The following SLC9C1 variants were observed in gnomAD, a reference collection of about 807,000 sequenced individuals.
SLC9C1 encodes the protein sodium/hydrogen exchanger 10.
Under a neutral mutation model 140.9 loss-of-function variants are expected in SLC9C1, and 97 were observed. The observed-to-expected ratio is 0.69, with a 90% CI of 0.58 to 0.82. The LOEUF is 0.82. SLC9C1 is among the 40% of genes least tolerant of loss of function. The pLI, the probability that SLC9C1 is intolerant of heterozygous loss-of-function variation, is 0.00. For synonymous variants in SLC9C1, 440 were observed against 442.6 expected (o/e 0.99, Z 0.07); for missense variants, 1,340 against 1,389.3 (o/e 0.96, Z 0.56).
At chr3:112,192,675 C>A (rs565588431) in intron 20 of SLC9C1, among the ~76,000 whole-genome samples, 18 of 152,020 alleles carry the variant, frequency 1.2e-4, no homozygotes, top group Middle Eastern at 3.4e-3. Context: ...TTTTTTATTT[C>A]ATTCATTGAA....
chr3:112,208,679 C>G, intron 15 of SLC9C1, among the ~76,000 whole-genome samples: 1 of 152,116 alleles, frequency 6.6e-6, no homozygotes, highest in East Asian at 1.9e-4. Context: ...GAAATTCAAA[C>G]TGGAATTTTT....
At chr3:112,290,905 T>A (rs1045450038) in intron 1 of SLC9C1, among the ~76,000 whole-genome samples, 1 of 152,028 alleles carries the variant, frequency 6.6e-6, no homozygotes, top group Non-Finnish European at 1.5e-5. Context: ...TTACATTGGC[T>A]TGGTAGTTTT....
intron 12 of SLC9C1, among the ~76,000 whole-genome samples, chr3:112,233,508 T>A (rs1157766420): frequency 6.6e-6 from 1 of 152,194 alleles, no homozygotes; most frequent in Non-Finnish European, 1.5e-5. Flanking sequence ...ATACTTTAAG[T>A]TCTAGGGTAC....
intron 2 of SLC9C1, among the ~76,000 whole-genome samples, chr3:112,284,652 T>G (rs1464650594): frequency 1.3e-5 from 2 of 152,176 alleles, no homozygotes; most frequent in African/African-American, 2.4e-5. Flanking sequence ...AACAACCATG[T>G]CTCAGGAAGT....
At chr3:112,145,601 T>TTC (rs2074766715) in intron 28 of SLC9C1, among the ~76,000 whole-genome samples, 2 of 148,428 alleles carry the variant, frequency 1.3e-5, no homozygotes, top group East Asian at 3.9e-4. Flanking sequence ...TTTTTTTTTT[T>TTC]TTTTTTTTTT....
intron 10 of SLC9C1, among the ~76,000 whole-genome samples, chr3:112,252,628 T>A (rs924629454): frequency 7.2e-5 from 11 of 151,890 alleles, no homozygotes; most frequent in Admixed American, 5.2e-4. Flanking sequence ...TGTTTTCTGG[T>A]CAGCAGCAAT....
intron 8 of SLC9C1, 66 bp from the exon 9 acceptor site, chr3:112,264,409 TTATC>T: frequency 1.0e-6 from 1 of 992,890 alleles, no homozygotes; most frequent in Non-Finnish European, 1.3e-6. Flanking sequence ...ATTACAAGGT[TTATC>T]TATGTGAATC....
At chr3:112,289,935 A>AC in intron 1 of SLC9C1, among the ~76,000 whole-genome samples, 1 of 152,210 alleles carries the variant, frequency 6.6e-6, no homozygotes, top group Middle Eastern at 3.4e-3. Context: ...CTTGGTGCCC[A>AC]CCCTCCAAGG....
At chr3:112,180,492 C>T in intron 22 of SLC9C1, 72 bp downstream of exon 22, 1 of 1,260,986 alleles carries the variant, frequency 7.9e-7, no homozygotes. Context: ...CATTGCACTC[C>T]AGCTTGGGCA....
intron 16 of SLC9C1, among the ~76,000 whole-genome samples, chr3:112,204,973 G>T (rs2078005599): frequency 6.6e-6 from 1 of 152,008 alleles, no homozygotes; most frequent in Non-Finnish European, 1.5e-5. Flanking sequence ...CGCAGAATAA[G>T]TTATTTTTAA....
At chr3:112,209,629 A>G (rs535792643) in intron 15 of SLC9C1, among the ~76,000 whole-genome samples, 1 of 152,180 alleles carries the variant, frequency 6.6e-6, no homozygotes, top group South Asian at 2.1e-4. Context: ...TAGAGCTAAT[A>G]AACAAAATAG....
chr3:112,280,885 C>T (rs201197182), intron 2 of SLC9C1, 102 bp from the exon 3 acceptor site: 1 of 610,562 alleles, frequency 1.6e-6, no homozygotes, highest in Non-Finnish European at 2.6e-6. Flanking sequence ...CTTACAGTTT[C>T]ACTACTTTTC....
intron 10 of SLC9C1, among the ~76,000 whole-genome samples, chr3:112,249,702 T>C (rs2079394408): frequency 6.6e-6 from 1 of 152,168 alleles, no homozygotes; most frequent in African/African-American, 2.4e-5. Context: ...TATCTATTTC[T>C]TGTAGGTTTT....
Position 112,155,378 on chromosome 3 carries a change from A to C in SLC9C1, c.3365-329T>G, listed in dbSNP as rs539432251. ...TAGCAATAAGGATACATAAGAAAGC[A>C]AAAGAATTAAGATCCATGTCTTCTA... On this transcript the variant is annotated intron_variant, in intron 26 of 28. Transcript: ENST00000305815. Among the ~76,000 whole-genome samples the C allele has an allele frequency of 5.9e-5, 9 of 152,330 alleles. No individual in the cohort carries two copies. The East Asian group carries it at 1.7e-3, about 29-fold the overall frequency.
At chr3:112,166,372 G>A (rs142748757) in intron 26 of SLC9C1, among the ~76,000 whole-genome samples, 1 of 152,356 alleles carries the variant, frequency 6.6e-6, no homozygotes, top group East Asian at 1.9e-4. Context: ...CATGCTGGGA[G>A]CTGTAGATTG....
At chr3:112,166,972 C>T (rs563075295) in intron 26 of SLC9C1, among the ~76,000 whole-genome samples, 10 of 152,106 alleles carry the variant, frequency 6.6e-5, no homozygotes, top group Middle Eastern at 6.8e-3. Flanking sequence ...TAGTAATTCC[C>T]TCATTAACCT....
At chr3:112,276,434 A>C (rs1205351593) in intron 5 of SLC9C1, among the ~76,000 whole-genome samples, 1 of 151,878 alleles carries the variant, frequency 6.6e-6, no homozygotes, top group Non-Finnish European at 1.5e-5. Context: ...ACATATATAC[A>C]TATATCTAAA....
At chr3:112,242,372 T>C (rs1361739106) in intron 11 of SLC9C1, among the ~76,000 whole-genome samples, 1 of 152,180 alleles carries the variant, frequency 6.6e-6, no homozygotes, top group Non-Finnish European at 1.5e-5. Context: ...GATCCTGTCA[T>C]TTGCAACAGC....
At chr3:112,207,782 T>G (rs937326187) in intron 16 of SLC9C1, among the ~76,000 whole-genome samples, 1 of 152,178 alleles carries the variant, frequency 6.6e-6, no homozygotes, top group South Asian at 2.1e-4. Context: ...AGAAGCTCCT[T>G]CTGTCTGTTC....
Sources: gnomAD v4.1 joint callset for allele counts (sites outside exome capture counted in the v4.1 genomes callset) on GRCh38, gnomAD v4.1.1 for gene constraint, MANE v1.5 for transcripts, NCBI Gene and HGNC (gene_info 2026-07-23, HGNC 2026-07-21) for gene names.